FMN2: variants seen among roughly 807,000 people sequenced by gnomAD.
FMN2 encodes formin-2.
FMN2 carries 51 observed loss-of-function variants against 142.3 expected under a neutral mutation model. The ratio of observed to expected loss-of-function variants is 0.36; its 90% CI spans 0.29 to 0.45. The LOEUF (loss-of-function observed/expected upper bound fraction) is 0.45, where lower values mean the gene tolerates loss of function less well. FMN2 is among the 20% of genes least tolerant of loss of function. The pLI is 1.00. For synonymous variants in FMN2, 882 were observed against 869.8 expected (o/e 1.01, Z -0.25); for missense variants, 1,936 against 2,122.8 (o/e 0.91, Z 1.73).
intron 2 of FMN2, chr1:240,144,021 A>C (rs1395584398): frequency 5.2e-6 from 6 of 1,150,156 alleles, no homozygotes; most frequent in Non-Finnish European, 7.9e-6. Context: ...CAGACCCCAG[A>C]GTTCACTATG....
chr1:240,309,725 C>A (rs12022375), intron 8 of FMN2, among the ~76,000 whole-genome samples: 4 of 151,554 alleles, frequency 2.6e-5, no homozygotes, highest in Non-Finnish European at 5.9e-5. Flanking sequence ...CAAAGCATAA[C>A]CTCATATTCA....
chr1:240,101,613 C>A (rs536389084), intron 1 of FMN2, among the ~76,000 whole-genome samples: 12 of 152,004 alleles, frequency 7.9e-5, no homozygotes, highest in African/African-American at 2.9e-4. Flanking sequence ...TGGCTCACTG[C>A]AGCCTCAAAC....
At chr1:240,166,172 TAAAC>T (rs1664474565) in intron 2 of FMN2, among the ~76,000 whole-genome samples, 3 of 149,512 alleles carry the variant, frequency 2.0e-5, no homozygotes. Context: ...TATATATAAA[TAAAC>T]GTTACCTCAT....
rs1241306889 is a variant in FMN2, at chr1:240,208,391, G to T, written c.3579G>T (p.Val1193=). 1 of 1,581,818 alleles carries T rather than the reference G, an allele frequency of 6.3e-7. No individual in the cohort carries two copies. Among genetic ancestry groups the T allele is most frequent in the Non-Finnish European group, 8.6e-7 (1 of 1,160,670 alleles). Residue 1193 remains valine, a synonymous_variant, in exon 5 of 18, where the codon GTG becomes GTT. Transcript: ENST00000319653. ...CTCCTCCGCCCCCTCTACCTGGAGT[G>T]GGAATACCTCCTCCGCCCCCTCTAC... ...GIPPPPPLPG[V]GIPPPPPLPG... is the part of the protein sequence containing the mutation.
At chr1:240,380,451 A>G (rs1673186367) in intron 14 of FMN2, among the ~76,000 whole-genome samples, 1 of 152,106 alleles carries the variant, frequency 6.6e-6, no homozygotes, top group Non-Finnish European at 1.5e-5. Context: ...ACTAGATACA[A>G]CTGCTACTGG....
intron 16 of FMN2, among the ~76,000 whole-genome samples, chr1:240,469,613 T>TAG (rs1676745181): frequency 1.3e-5 from 2 of 152,164 alleles, no homozygotes; most frequent in African/African-American, 4.8e-5. Context: ...GTTCAATCCA[T>TAG]TTTCCTTTTC....
At chr1:240,163,240 T>G (rs1364003329) in intron 2 of FMN2, among the ~76,000 whole-genome samples, 1 of 152,176 alleles carries the variant, frequency 6.6e-6, no homozygotes, top group Non-Finnish European at 1.5e-5. Flanking sequence ...GGTAAATTGC[T>G]GATTATGTTG....
At chr1:240,119,300 G>T (rs1662145048) in intron 1 of FMN2, among the ~76,000 whole-genome samples, 1 of 147,676 alleles carries the variant, frequency 6.8e-6, no homozygotes, top group African/African-American at 2.5e-5. Flanking sequence ...TTGCACTCCA[G>T]CCTAGGCGAC....
At chr1:240,190,037 A>C (rs1041229316) in intron 4 of FMN2, among the ~76,000 whole-genome samples, 3 of 152,238 alleles carry the variant, frequency 2.0e-5, no homozygotes, top group African/African-American at 7.2e-5. Flanking sequence ...CAACAATGAT[A>C]AAACATGTAC....
At position 240,220,667 on chromosome 1, in the gene FMN2, T is replaced by TG. The variant is rs1558375225; in HGVS notation, c.4065+9432_4065+9433insG. On this transcript the variant is annotated intron_variant, in intron 6 of 17. Coordinates refer to ENST00000319653, the MANE Select transcript of FMN2 (RefSeq NM_020066.5). ...AAGCTTCACTGGCATGAGTCTGTGTTTGTGTGTGTGTGTGTGTGTGTGTGT... is the reference window on the plus strand; with the variant it reads ...AAGCTTCACTGGCATGAGTCTGTGTTGTGTGTGTGTGTGTGTGTGTGTGTGT... Among the ~76,000 whole-genome samples the TG allele has an allele frequency of 6.0e-5, 9 of 149,196 alleles. No individual in the cohort carries two copies. In the South Asian group the frequency reaches 1.5e-3, roughly 25 times the overall value.
chr1:240,470,183 T>G (rs1676759980), intron 16 of FMN2, among the ~76,000 whole-genome samples: 1 of 142,826 alleles, frequency 7.0e-6, no homozygotes, highest in African/African-American at 2.6e-5. Flanking sequence ...TAAGAGGAGA[T>G]CCACTGGATT....
At chr1:240,361,817 T>C (rs138652780) in intron 14 of FMN2, among the ~76,000 whole-genome samples, 104 of 152,290 alleles carry the variant, frequency 6.8e-4, no homozygotes, top group Middle Eastern at 3.4e-3. Flanking sequence ...CCTAGGAGGT[T>C]AAGAAAAATT....
intron 2 of FMN2, chr1:240,170,732 A>G: frequency 6.6e-7 from 1 of 1,508,846 alleles, no homozygotes; most frequent in East Asian, 2.3e-5. Flanking sequence ...AACACTGTCA[A>G]GGTGGGGCCT....
At chr1:240,272,688 AATC>A (rs1669059577) in intron 7 of FMN2, among the ~76,000 whole-genome samples, 1 of 152,174 alleles carries the variant, frequency 6.6e-6, no homozygotes, top group South Asian at 2.1e-4. Flanking sequence ...CTACAAATAT[AATC>A]ATAGTCCTTC....
At chr1:240,427,260 C>A (rs1182023298) in intron 15 of FMN2, among the ~76,000 whole-genome samples, 1 of 150,964 alleles carries the variant, frequency 6.6e-6, no homozygotes, top group Admixed American at 6.6e-5. Context: ...GGCTGGAGTG[C>A]AGTAGTGCTA....
chr1:240,189,367 TGAG>T (rs1201189602), intron 4 of FMN2, among the ~76,000 whole-genome samples: 2 of 152,142 alleles, frequency 1.3e-5, no homozygotes, highest in Non-Finnish European at 2.9e-5. Context: ...TAGGAGAAAA[TGAG>T]GAGACACATA....
intron 6 of FMN2, among the ~76,000 whole-genome samples, chr1:240,240,949 A>G (rs1199357234): frequency 3.9e-5 from 6 of 152,212 alleles, no homozygotes; most frequent in Non-Finnish European, 5.9e-5. Flanking sequence ...TTGTAATGTT[A>G]TTTTAATTTC....
intron 14 of FMN2, among the ~76,000 whole-genome samples, chr1:240,362,589 A>G (rs1183074460): frequency 1.3e-5 from 2 of 152,322 alleles, no homozygotes; most frequent in East Asian, 3.9e-4. Context: ...ATTATCGCTG[A>G]ACTATAAAGA....
chr1:240,245,777 C>A lies in FMN2; in HGVS notation c.4066-12168C>A, dbSNP rs1668060203. ...CAGTGCCTGTGTTCCATCAGGTTGT[C>A]CAGAGATTCATTCCCCAGGCCTTCT... On this transcript the variant is annotated intron_variant, in intron 6 of 17. Transcript: ENST00000319653. Among the ~76,000 whole-genome samples, 3 of 152,228 alleles carry A rather than the reference C, an allele frequency of 2.0e-5. No individual in the cohort carries two copies. The South Asian group carries it at 6.2e-4, about 32-fold the overall frequency.
Sources: gnomAD v4.1 joint callset for allele counts (sites outside exome capture counted in the v4.1 genomes callset) on GRCh38, gnomAD v4.1.1 for gene constraint, MANE v1.5 for transcripts, NCBI Gene and HGNC (gene_info 2026-07-23, HGNC 2026-07-21) for gene names.